XKR4: variants seen among roughly 807,000 people sequenced by gnomAD.
XKR4 encodes the protein XK related 4, also known as XK-related protein 4.
XKR4 carries 12 observed loss-of-function variants against 53.9 expected under a neutral mutation model. The observed-to-expected ratio is 0.22, with a 90% CI of 0.14 to 0.36. The LOEUF (loss-of-function observed/expected upper bound fraction) is 0.36, where lower values mean the gene tolerates loss of function less well. Ranked by LOEUF, XKR4 falls within the 10% of genes least tolerant of loss-of-function variation. The pLI, the probability that XKR4 is intolerant of heterozygous loss-of-function variation, is 1.00. For missense variants in XKR4, 799 were observed against 859.5 expected (o/e 0.93, Z 0.88); for synonymous variants, 354 against 362.4 (o/e 0.98, Z 0.26).
intron 1 of XKR4, among the ~76,000 whole-genome samples, chr8:55,105,825 A>G (rs186299293): frequency 2.0e-4 from 30 of 152,320 alleles, no homozygotes; most frequent in Admixed American, 2.0e-3. Context: ...AAGCTTATGG[A>G]ACTTAACACT....
At chr8:55,452,281 TGCTGATG>T (rs1805461366) in intron 2 of XKR4, 1 of 649,806 alleles carries the variant, frequency 1.5e-6, no homozygotes, top group Non-Finnish European at 2.8e-6. Flanking sequence ...GGGGTCTGGA[TGCTGATG>T]CATTTCTCCT....
chr8:55,192,804 G>C (rs1282213822), intron 1 of XKR4, among the ~76,000 whole-genome samples: 1 of 152,184 alleles, frequency 6.6e-6, no homozygotes, highest in Non-Finnish European at 1.5e-5. Flanking sequence ...AGCTCCATTT[G>C]ATTGAGGAAA....
Position 55,183,932 on chromosome 8 carries a change from T to A in XKR4, c.806+80638T>A, listed in dbSNP as rs144184805. On this transcript the variant is annotated intron_variant, in intron 1 of 2. Transcript: ENST00000327381. ...GAATCTCTATTAGGTGTGTACACAT[T>A]GAGGATGGCTACCTTTCCCCTCCCC... 3.3e-3 allele frequency among the ~76,000 whole-genome samples: 499 copies of A among 152,270 alleles called. 5 individuals carry two copies. The highest frequency in any genetic ancestry group is 0.011 in the African/African-American group (466 of 41,542).
chr8:55,502,400 T>A (rs66501652), intron 2 of XKR4, among the ~76,000 whole-genome samples: 9 of 143,978 alleles, frequency 6.3e-5, no homozygotes, highest in African/African-American at 7.7e-5. Flanking sequence ...TTTTTTTTTT[T>A]AAGTAATAGC....
At chr8:55,360,250 CCAACGAAGACCAGCCCAGG>C (rs1031191690) in intron 2 of XKR4, among the ~76,000 whole-genome samples, 1 of 152,174 alleles carries the variant, frequency 6.6e-6, no homozygotes, top group Non-Finnish European at 1.5e-5. Flanking sequence ...GACCCTCCAG[CCAACGAAGACCAGCCCAGG>C]CAACACTCTG....
At position 55,481,570 on chromosome 8, in the gene XKR4, C is replaced by T. The variant is rs1041629327; in HGVS notation, c.1007-41711C>T. 1.6e-3 allele frequency among the ~76,000 whole-genome samples: 238 copies of T among 152,188 alleles called. 3 individuals are homozygous for T. Among genetic ancestry groups the T allele is most frequent in the African/African-American group, 5.2e-3 (216 of 41,492 alleles). ...GGGATCTAATTAAACTAAAGAGCTT[C>T]TGCACAGCAAAAGAAACTACCATCA... On this transcript the variant is annotated intron_variant, in intron 2 of 2. Transcript: ENST00000327381.
chr8:55,490,567 A>C (rs1806256762), intron 2 of XKR4, among the ~76,000 whole-genome samples: 1 of 152,198 alleles, frequency 6.6e-6, no homozygotes, highest in South Asian at 2.1e-4. Context: ...TAAAAGTTGT[A>C]ACTATTAAAA....
intron 2 of XKR4, chr8:55,452,309 G>A (rs576340866): frequency 6.2e-6 from 4 of 645,202 alleles, no homozygotes; most frequent in Admixed American, 4.5e-5. Flanking sequence ...TGGTCAGCGC[G>A]GCCACCGGGA....
At chr8:55,503,408 TTAATTTA>T (rs1312329284) in intron 2 of XKR4, among the ~76,000 whole-genome samples, 1 of 152,122 alleles carries the variant, frequency 6.6e-6, no homozygotes, top group Non-Finnish European at 1.5e-5. Context: ...GCTTCTTTGG[TTAATTTA>T]TAAGTATTTT....
At chr8:55,387,733 A>C (rs1804344274) in intron 2 of XKR4, among the ~76,000 whole-genome samples, 2 of 152,164 alleles carry the variant, frequency 1.3e-5, no homozygotes, top group South Asian at 4.1e-4. Flanking sequence ...GGGGAACCAC[A>C]TCCTCTTGGC....
intron 1 of XKR4, chr8:55,135,355 T>C: frequency 4.3e-6 from 1 of 232,408 alleles, no homozygotes; most frequent in Admixed American, 4.4e-5. Flanking sequence ...TTAACCACTA[T>C]GTTGTAATCC....
intron 2 of XKR4, among the ~76,000 whole-genome samples, chr8:55,456,935 C>T (rs1805578374): frequency 6.6e-6 from 1 of 151,820 alleles, no homozygotes; most frequent in South Asian, 2.1e-4. Context: ...CTCCACAAAC[C>T]TCAAATAGGA....
chr8:55,323,887 C>T (rs546700692), intron 1 of XKR4, among the ~76,000 whole-genome samples: 4 of 152,128 alleles, frequency 2.6e-5, no homozygotes, highest in African/African-American at 9.6e-5. Context: ...TATTGTCTAG[C>T]CATTTTTTTT....
intron 1 of XKR4, among the ~76,000 whole-genome samples, chr8:55,312,827 C>T (rs963329450): frequency 6.6e-6 from 1 of 152,044 alleles, no homozygotes; most frequent in South Asian, 2.1e-4. Flanking sequence ...AATCTAAGAC[C>T]CTTTCTATCA....
chr8:55,123,123 A>G (rs1192363728), intron 1 of XKR4, among the ~76,000 whole-genome samples: 2 of 152,190 alleles, frequency 1.3e-5, no homozygotes, highest in Non-Finnish European at 2.9e-5. Flanking sequence ...AAATTCTGCC[A>G]CTTTCTGAAA....
chr8:55,141,972 C>G (rs1362789272), intron 1 of XKR4: 1 of 418,358 alleles, frequency 2.4e-6, no homozygotes, highest in Non-Finnish European at 4.8e-6. Context: ...CCAGGCCCCG[C>G]CTCTCTATTT....
Position 55,526,643 on chromosome 8 carries a change from T to C in XKR4, c.*2416T>C, listed in dbSNP as rs1192189675. 1 of 152,214 alleles carries C rather than the reference T, an allele frequency of 6.6e-6. No homozygotes were observed. The highest frequency in any genetic ancestry group is 1.5e-5 in the Non-Finnish European group (1 of 68,030). The allele number at this position is 152,214 out of a possible 1,614,324, so 9.4% of individuals were successfully genotyped here. On this transcript the variant is annotated 3_prime_UTR_variant, in exon 3 of 3. Coordinates refer to ENST00000327381, the MANE Select transcript of XKR4 (RefSeq NM_052898.2). ...TAACTGATGATCTTTGGAAATTGAG[T>C]TTCTCAGTTGAACTGTACCTTTGAT...
rs5891573 is a variant in XKR4 at position 55,447,055 on chromosome 8, GAA to G, written c.1007-76211_1007-76210del. On this transcript the variant is annotated intron_variant, in intron 2 of 2. Transcript: ENST00000327381. ...ATGATGGTATAGCCTACCTGATTGG[GAA>G]AAAAAAAAAAAAAAGCAGAGGTTAG... Among the ~76,000 whole-genome samples, 691 of 132,352 alleles carry G rather than the reference GAA, an allele frequency of 5.2e-3. 5 individuals are homozygous for G. Among genetic ancestry groups the G allele is most frequent in the African/African-American group, 0.016 (617 of 37,782 alleles). 86.8% of individuals were successfully genotyped at this position (132,352 alleles called of 152,430 possible). A position where few individuals can be genotyped will look rare whatever the true frequency, so the allele number is the denominator to read the frequency against.
At chr8:55,382,703 C>A (rs909903044) in intron 2 of XKR4, among the ~76,000 whole-genome samples, 1 of 152,146 alleles carries the variant, frequency 6.6e-6, no homozygotes, top group African/African-American at 2.4e-5. Flanking sequence ...TAATACCAAG[C>A]TTTATCAGCT....
Sources: allele counts gnomAD v4.1 joint callset (sites outside exome capture counted in the v4.1 genomes callset), GRCh38; gene constraint gnomAD v4.1.1; transcripts MANE v1.5; gene names NCBI Gene and HGNC (gene_info 2026-07-23, HGNC 2026-07-21).